DNM3: variants seen among roughly 807,000 people sequenced by gnomAD.
DNM3 encodes the protein dynamin 3.
A neutral mutation model predicts 101.6 loss-of-function variants in DNM3; 47 were observed. The observed-to-expected ratio is 0.46, with a 90% confidence interval of 0.37 to 0.59. The LOEUF is 0.59. Ranked by LOEUF, DNM3 falls within the 20% of genes least tolerant of loss-of-function variation. The pLI is 0.00. For synonymous variants in DNM3, 385 were observed against 387.9 expected (o/e 0.99, Z 0.09); for missense variants, 849 against 1,085.7 (o/e 0.78, Z 3.06).
intron 1 of DNM3, among the ~76,000 whole-genome samples, chr1:171,866,778 CT>C (rs1383692810): frequency 6.6e-6 from 1 of 151,772 alleles, no homozygotes; most frequent in Non-Finnish European, 1.5e-5. Flanking sequence ...TTATTATAAG[CT>C]TCTATGGCAT....
At chr1:172,361,646 T>C (rs942375656) in intron 17 of DNM3, among the ~76,000 whole-genome samples, 12 of 151,882 alleles carry the variant, frequency 7.9e-5, no homozygotes, top group African/African-American at 2.9e-4. Context: ...CCCAGGTAAT[T>C]CTCCCAGCAG....
At chr1:172,246,890 G>C (rs570242977) in intron 14 of DNM3, among the ~76,000 whole-genome samples, 1 of 152,122 alleles carries the variant, frequency 6.6e-6, no homozygotes, top group Admixed American at 6.6e-5. Flanking sequence ...TTCCCTGCTT[G>C]CAAACATTCT....
intron 1 of DNM3, among the ~76,000 whole-genome samples, chr1:171,858,438 TA>T (rs1463645104): frequency 1.3e-5 from 2 of 152,048 alleles, no homozygotes; most frequent in Non-Finnish European, 2.9e-5. Flanking sequence ...TCCTACCCGA[TA>T]ACCATCACAC....
chr1:172,226,936 G>A (rs1458501271), intron 14 of DNM3, among the ~76,000 whole-genome samples: 1 of 151,808 alleles, frequency 6.6e-6, no homozygotes, highest in African/African-American at 2.4e-5. Flanking sequence ...GCTCTGGGGG[G>A]AGGTACAAGT....
chr1:171,901,256 A>G (rs1051644258), intron 1 of DNM3, among the ~76,000 whole-genome samples: 2 of 152,112 alleles, frequency 1.3e-5, no homozygotes, highest in Non-Finnish European at 2.9e-5. Flanking sequence ...AAAATCATCT[A>G]TGATGTCTTA....
chr1:172,339,087 G>A (rs1279927858), intron 17 of DNM3: 1 of 486,398 alleles, frequency 2.1e-6, no homozygotes, highest in Non-Finnish European at 4.1e-6. Flanking sequence ...AAAGTTGGGG[G>A]GAACATCTCA....
intron 15 of DNM3, among the ~76,000 whole-genome samples, chr1:172,283,586 G>A (rs1030371321): frequency 1.3e-5 from 2 of 151,352 alleles, no homozygotes; most frequent in Non-Finnish European, 2.9e-5. Flanking sequence ...ATGCTGAAAC[G>A]CCGTCTCTAC....
Position 172,387,256 on chromosome 1 carries a change from G to A in DNM3, c.2182G>A (p.Ala728Thr). 6.2e-7 allele frequency: 1 copy of A among 1,613,962 alleles called. No homozygotes were observed. Among genetic ancestry groups the A allele is most frequent in the Non-Finnish European group, 8.5e-7 (1 of 1,179,864 alleles). Reference sequence around the variant, plus strand: ...GGATGAGATGCTTCGAATGTATCAAGCACTGAAAGAAGCCCTTGGGATAAT... The same window carrying A: ...GGATGAGATGCTTCGAATGTATCAAACACTGAAAGAAGCCCTTGGGATAAT... ...RRDEMLRMYQ[A>T]LKEALGIIGD... The change falls in exon 19 of 21, where the codon GCA (alanine) becomes ACA (threonine). Residue 728 changes from alanine to threonine, a missense_variant. Physicochemically the swap from Ala to Thr is moderately conservative, Grantham distance 58 (BLOSUM62 0). Around this residue, in one of 5 missense-constraint regions of DNM3, gnomAD observed 256 missense variants for 311.7 expected, o/e 0.82. Transcript: ENST00000627582.
intron 14 of DNM3, among the ~76,000 whole-genome samples, chr1:172,239,160 T>A (rs1191276543): frequency 6.6e-6 from 1 of 152,202 alleles, no homozygotes; most frequent in Non-Finnish European, 1.5e-5. Flanking sequence ...AGAGTTTAAA[T>A]AGGCTCTCAC....
intron 4 of DNM3, among the ~76,000 whole-genome samples, chr1:172,010,929 G>A (rs975913231): frequency 5.3e-5 from 8 of 151,366 alleles, no homozygotes; most frequent in African/African-American, 1.2e-4. Flanking sequence ...TTTCCCTGAC[G>A]AGAGGTCATA....
intron 14 of DNM3, among the ~76,000 whole-genome samples, chr1:172,222,359 T>C (rs2060939035): frequency 6.6e-6 from 1 of 152,182 alleles, no homozygotes; most frequent in South Asian, 2.1e-4. Context: ...AGTTGCCTAA[T>C]ATCAAAAATT....
chr1:171,870,522 C>T (rs1397628447), intron 1 of DNM3, among the ~76,000 whole-genome samples: 1 of 152,018 alleles, frequency 6.6e-6, no homozygotes, highest in Non-Finnish European at 1.5e-5. Flanking sequence ...GTCTCTCATG[C>T]ACTATTCTGT....
intron 16 of DNM3, among the ~76,000 whole-genome samples, chr1:172,312,588 C>G (rs1260413660): frequency 2.0e-5 from 3 of 152,114 alleles, no homozygotes; most frequent in Non-Finnish European, 4.4e-5. Flanking sequence ...CTTCTGCTCC[C>G]CTGTTTCTTT....
At chr1:172,317,814 G>A (rs899718496) in intron 16 of DNM3, among the ~76,000 whole-genome samples, 48 of 152,170 alleles carry the variant, frequency 3.2e-4, no homozygotes, top group Middle Eastern at 6.8e-3. Context: ...AGAGGTACAA[G>A]GAGGAACTGG....
intron 15 of DNM3, among the ~76,000 whole-genome samples, chr1:172,261,627 C>T (rs1315304211): frequency 1.3e-5 from 2 of 152,154 alleles, no homozygotes; most frequent in African/African-American, 4.8e-5. Flanking sequence ...GTTCTTAAGC[C>T]CCTGGGCAGT....
chr1:171,995,096 G>GTTTTTTTTTTTTTTTTTTTTTTTTTTTTT, intron 4 of DNM3, among the ~76,000 whole-genome samples: 1 of 49,636 alleles, frequency 2.0e-5, no homozygotes, highest in Non-Finnish European at 3.7e-5. Flanking sequence ...TGAAATCCAG[G>GTTTTTTTTTTTTTTTTTTTTTTTTTTTTT]TTTTTTTTTT....
At chr1:172,374,386 A>G (rs1414488620) in intron 17 of DNM3, among the ~76,000 whole-genome samples, 1 of 152,026 alleles carries the variant, frequency 6.6e-6, no homozygotes, top group Non-Finnish European at 1.5e-5. Context: ...TTTATCAACT[A>G]CAGTATTCAG....
chr1:172,000,302 T>C (rs2046282063), intron 4 of DNM3, among the ~76,000 whole-genome samples: 1 of 151,864 alleles, frequency 6.6e-6, no homozygotes, highest in Non-Finnish European at 1.5e-5. Context: ...GGCTGAGAGA[T>C]AGAGGAGGGT....
chr1:171,862,880 A>G (rs1330285686), intron 1 of DNM3, among the ~76,000 whole-genome samples: 1 of 152,086 alleles, frequency 6.6e-6, no homozygotes, highest in African/African-American at 2.4e-5. Flanking sequence ...AAGAAAATCT[A>G]GAGACTCTTT....
Sources: allele counts gnomAD v4.1 joint callset (sites outside exome capture counted in the v4.1 genomes callset), GRCh38; gene constraint gnomAD v4.1.1; regional missense constraint gnomAD v4.1.1; transcripts MANE v1.5; gene names NCBI Gene and HGNC (gene_info 2026-07-23, HGNC 2026-07-21).